SAFB2: variants seen among roughly 807,000 people sequenced by gnomAD.
SAFB2 encodes the protein scaffold attachment factor B2.
Under a neutral mutation model 100.6 loss-of-function variants are expected in SAFB2, and 32 were observed. That is an observed-to-expected ratio of 0.32 (90% CI 0.24 to 0.43). The LOEUF (loss-of-function observed/expected upper bound fraction) is 0.43. Among genes scored for constraint, SAFB2 ranks in the 20% least tolerant of loss-of-function variants. SAFB2 has a pLI of 1.00. For synonymous variants in SAFB2, 500 were observed against 439.4 expected (o/e 1.14, Z -1.72); for missense variants, 1,185 against 1,163.4 (o/e 1.02, Z -0.27).
At chr19:5,615,195 A>G (rs1005070070) in intron 4 of SAFB2, among the ~76,000 whole-genome samples, 1 of 152,198 alleles carries the variant, frequency 6.6e-6, no homozygotes, top group African/African-American at 2.4e-5. Flanking sequence ...TCTACTAAAA[A>G]TATAAAAAAA....
intron 4 of SAFB2, 97 bp from the exon 5 acceptor site, chr19:5,613,624 C>G: frequency 6.5e-7 from 1 of 1,537,456 alleles, no homozygotes; most frequent in Non-Finnish European, 8.8e-7. Context: ...ATTTCCCTCA[C>G]GGCACCTTTT....
chr19:5,621,474 C>T (rs1208370048), intron 1 of SAFB2, 78 bp from the exon 2 acceptor site: 7 of 969,178 alleles, frequency 7.2e-6, no homozygotes, highest in Non-Finnish European at 1.0e-5. Context: ...AACAACCTCC[C>T]ATGAAACAAA....
chr19:5,599,494 G>A (rs2052609226), intron 12 of SAFB2, among the ~76,000 whole-genome samples: 1 of 152,214 alleles, frequency 6.6e-6, no homozygotes, highest in African/African-American at 2.4e-5. Flanking sequence ...CCCGAGAGCT[G>A]AAGATCCAGC....
chr19:5,599,939 T>C (rs2052618468), intron 12 of SAFB2, among the ~76,000 whole-genome samples, 191 bp downstream of exon 12: 3 of 152,204 alleles, frequency 2.0e-5, no homozygotes, highest in Admixed American at 6.5e-5. Flanking sequence ...CAGGCACTTC[T>C]GGATTCCCGA....
At chr19:5,622,508 C>T in intron 1 of SAFB2, 22 bp downstream of exon 1, 1 of 1,573,818 alleles carries the variant, frequency 6.4e-7, no homozygotes, top group Non-Finnish European at 8.6e-7. Flanking sequence ...CTGCGCCACC[C>T]CCGAGCCCCG....
Position 5,593,998 on chromosome 19 carries a change from C to T in SAFB2, c.2100G>A (p.Lys700=). 6.4e-7 allele frequency: 1 copy of T among 1,560,632 alleles called. No individual in the cohort carries two copies. ...GCTCGCGGTGGATGCGCTCCTGCTC[C>T]TTCCTGCGCTCACGCTCCACGCGCA... The part of the protein sequence containing the change: ...ERMRVERERR[K]EQERIHRERE... Residue 700 remains lysine (K), a synonymous_variant, in exon 15 of 21, where the codon AAG becomes AAA. Coordinates refer to ENST00000252542, the MANE Select transcript of SAFB2 (RefSeq NM_014649.3).
Position 5,587,288 on chromosome 19 carries a change from TGGGTGA to T in SAFB2, c.2811_2816del (p.His942_Pro943del). 8 of 1,610,308 alleles carry T rather than the reference TGGGTGA, an allele frequency of 5.0e-6. No homozygotes were observed. Among genetic ancestry groups the T allele is most frequent in the Non-Finnish European group, 6.8e-6 (8 of 1,179,018 alleles). On this transcript the variant is annotated inframe_deletion, in exon 21 of 21. Transcript: ENST00000252542. This position sits in a 1 kb window ranked among gnomAD's most constrained non-coding sequence, Gnocchi z 4.9. ...GGGGGTACGGGGGGGGATGAGGGTGTGGGTGAGGGACTCTGCTGCCCCGGTCCTGGC... is the reference window on the plus strand; with the variant it reads ...GGGGGTACGGGGGGGGATGAGGGTGTGGGACTCTGCTGCCCCGGTCCTGGC...
chr19:5,598,781 G>A lies in SAFB2; in HGVS notation c.1782+12C>T, dbSNP rs781289915. 6.6e-5 allele frequency: 106 copies of A among 1,611,650 alleles called. No homozygotes were observed. The highest frequency in any genetic ancestry group is 8.5e-5 in the Non-Finnish European group (100 of 1,177,808). Reference sequence around the variant, plus strand: ...AAACAGCTGGCCCTGAGATGGCAGAGGCAATACTCACTCTCTCTTTGGACC... The same window carrying A: ...AAACAGCTGGCCCTGAGATGGCAGAAGCAATACTCACTCTCTCTTTGGACC... On this transcript the variant is annotated intron_variant, in intron 13 of 20. Coordinates refer to ENST00000252542, the MANE Select transcript of SAFB2 (RefSeq NM_014649.3).
Position 5,595,378 on chromosome 19 carries a change from G to A in SAFB2, c.1902C>T (p.Arg634=), listed in dbSNP as rs371849776. 4.8e-5 allele frequency: 77 copies of A among 1,611,198 alleles called. No homozygotes were observed. The East Asian group carries it at 1.0e-3, about 21-fold the overall frequency. ...CCACTCACCGCCGCCTCTCCGTTTC[G>A]CGGATCTCCCGTTCCCGCTGCCTCT... The part of the protein sequence containing the change: ...ERQRQREREI[R]ETERRREREQ... The change falls in exon 14 of 21, where the codon CGC becomes CGT. Residue 634 remains arginine, a synonymous_variant. Coordinates refer to ENST00000252542, the MANE Select transcript of SAFB2 (RefSeq NM_014649.3).
chr19:5,617,989 CA>C (rs1326148504), intron 2 of SAFB2, among the ~76,000 whole-genome samples: 4 of 151,924 alleles, frequency 2.6e-5, no homozygotes, highest in African/African-American at 9.7e-5. Context: ...ACCAAAAATA[CA>C]AAAATTAGCC....
intron 9 of SAFB2, among the ~76,000 whole-genome samples, chr19:5,607,749 C>G (rs538893946): frequency 2.0e-5 from 3 of 152,240 alleles, no homozygotes; most frequent in Non-Finnish European, 2.9e-5. Flanking sequence ...CTCAGGGCAT[C>G]AACCTAAGCA....
At chr19:5,618,234 C>T (rs1046469772) in intron 2 of SAFB2, among the ~76,000 whole-genome samples, 10 of 150,800 alleles carry the variant, frequency 6.6e-5, no homozygotes, top group Non-Finnish European at 1.2e-4. Flanking sequence ...TGGTGGCGGG[C>T]GCCTGTAGTC....
At chr19:5,610,472 T>C in intron 8 of SAFB2, 167 bp downstream of exon 8, 1 of 638,222 alleles carries the variant, frequency 1.6e-6, no homozygotes, top group South Asian at 1.8e-5. Flanking sequence ...AAAATGCAGG[T>C]GCTTGCGAAC....
At chr19:5,604,730 A>G (rs2052737032) in intron 10 of SAFB2, 35 bp from the exon 11 acceptor site, 1 of 1,614,018 alleles carries the variant, frequency 6.2e-7, no homozygotes. Context: ...TGTGTGGCCC[A>G]GAGCTTCTCA....
chr19:5,601,583 A>G (rs2052659240), intron 11 of SAFB2, among the ~76,000 whole-genome samples: 3 of 152,020 alleles, frequency 2.0e-5, no homozygotes, highest in Admixed American at 2.0e-4. Context: ...GTGGTGGCGC[A>G]TGCCTGTAAT....
intron 18 of SAFB2, 127 bp downstream of exon 18, chr19:5,590,151 G>T: frequency 1.2e-6 from 1 of 813,704 alleles, no homozygotes; most frequent in Non-Finnish European, 1.8e-6. Flanking sequence ...CAAATGGCAG[G>T]ACCCCTGGTA....
At chr19:5,593,434 G>C (rs1256245163) in intron 15 of SAFB2, among the ~76,000 whole-genome samples, 1 of 152,214 alleles carries the variant, frequency 6.6e-6, no homozygotes, top group African/African-American at 2.4e-5. Context: ...GGGGTAGCTA[G>C]AGACCAATAA....
intron 6 of SAFB2, chr19:5,611,945 T>C (rs1292825360): frequency 1.9e-5 from 9 of 480,772 alleles, no homozygotes; most frequent in East Asian, 1.3e-4. Flanking sequence ...GATTTTCCAA[T>C]GTCCAAGGTG....
intron 1 of SAFB2, among the ~76,000 whole-genome samples, chr19:5,622,284 G>A (rs1005100541): frequency 5.3e-5 from 8 of 152,238 alleles, no homozygotes; most frequent in Non-Finnish European, 8.8e-5. Context: ...TGGTAGCGGA[G>A]AAGACCGCAC....
Sources: allele counts gnomAD v4.1 joint callset (sites outside exome capture counted in the v4.1 genomes callset), GRCh38; gene constraint gnomAD v4.1.1; non-coding constraint Gnocchi (gnomAD v3.1); transcripts MANE v1.5; gene names NCBI Gene and HGNC (gene_info 2026-07-23, HGNC 2026-07-21).